Variants in PALB2 observed in about 807,000 individuals in gnomAD.
PALB2 encodes the protein mutant partner and localizer of BRCA2.
In PALB2, 82 loss-of-function variants were observed where a neutral mutation model predicts 107.4. The observed-to-expected ratio is 0.76, with a 90% CI of 0.64 to 0.92. PALB2 has a LOEUF of 0.92. PALB2 is among the 40% of genes least tolerant of loss of function. The pLI, the probability that PALB2 is intolerant of heterozygous loss-of-function variation, is 0.00. For missense variants in PALB2, 1,374 were observed against 1,379.9 expected, an observed-to-expected ratio of 1.00 and a Z score of 0.07; for synonymous variants, 489 against 496.8, an observed-to-expected ratio of 0.98 and a Z score of 0.21.
rs1396029242 is a variant in PALB2, at chr16:23,630,466, T to G, written c.1688A>C (p.Lys563Thr). ...HEKLFIQVKG[K>T]KSRHQKEDSL... ...ATCCTCTTTTTGATGACGACTTTTC[T>G]TCCCTAAAGAAGAAAAATAAGTCAC... The change falls in exon 5 of 13, where the codon AAG becomes ACG. Residue 563 changes from lysine (K) to threonine (T), a missense_variant. Physicochemically the swap from Lys to Thr is moderately conservative, Grantham distance 78. Transcript: ENST00000261584. 1 of 1,608,194 alleles carries G rather than the reference T, an allele frequency of 6.2e-7. No homozygotes were observed. The highest frequency in any genetic ancestry group is 8.5e-7 in the Non-Finnish European group (1 of 1,176,012).
In PALB2 at chr16:23,603,520, G is replaced by C. The variant is rs1308784980; in HGVS notation, c.3500C>G (p.Thr1167Arg). 1 of 1,613,946 alleles carries C rather than the reference G, an allele frequency of 6.2e-7. No individual in the cohort carries two copies. The highest frequency in any genetic ancestry group is 1.3e-5 in the African/African-American group (1 of 74,892). ...TTGTCCAGCCAGCAAATGAGAGTCT[G>C]TACCCGACCATTTCACAAAAGACCA... Reference protein sequence around the residue: ...QHWSFVKWSGTDSHLLAGQKD... With the variant: ...QHWSFVKWSGRDSHLLAGQKD... Residue 1167 changes from threonine to arginine, a missense_variant, in exon 13 of 13, where the codon ACA becomes AGA. Thr to Arg is a moderately conservative substitution (Grantham distance 71). Transcript: ENST00000261584.
At chr16:23,638,683 T>C (rs1048275500) in intron 1 of PALB2, 2 of 365,056 alleles carry the variant, frequency 5.5e-6, no homozygotes, top group Non-Finnish European at 1.1e-5. Flanking sequence ...AGACAGATAA[T>C]AAATAAGAAA....
At chr16:23,640,934 C>G in intron 1 of PALB2, 176 bp downstream of exon 1, 1 of 688,120 alleles carries the variant, frequency 1.5e-6, no homozygotes. Context: ...TAAACGCCAC[C>G]ACGTGAGCAC....
In PALB2 at chr16:23,640,407, G is replaced by C. The variant is rs113632665; in HGVS notation, c.48+703C>G. On this transcript the variant is annotated intron_variant, in intron 1 of 12. Transcript: ENST00000261584. ...TAATCCCAGCTACTCGGGAGGCTGA[G>C]GCAGGAGAGTCGCTTGATCCCAGGA... is the stretch of plus-strand genomic sequence containing the variant. The C allele has an allele frequency of 8.9e-3, 1,808 of 202,426 alleles. 29 individuals carry two copies. The highest frequency in any genetic ancestry group is 0.039 in the African/African-American group (1,687 of 43,688). The allele number at this position is 202,426 out of a possible 1,614,324, so 12.5% of individuals were successfully genotyped here.
At chr16:23,620,016 G>C (rs1966746068) in intron 10 of PALB2, among the ~76,000 whole-genome samples, 1 of 152,194 alleles carries the variant, frequency 6.6e-6, no homozygotes, top group African/African-American at 2.4e-5. Context: ...TTGGCCTCAA[G>C]TGATCTGCCT....
Position 23,603,429 on chromosome 16 carries a change from C to A in PALB2, c.*30G>T, listed in dbSNP as rs1262103709. The A allele has an allele frequency of 3.8e-6, 6 of 1,568,106 alleles. No individual in the cohort carries two copies. The highest frequency in any genetic ancestry group is 5.3e-6 in the Non-Finnish European group (6 of 1,138,620). ...AAAATACTAAGAGGCCCAATATATC[C>A]AGAAAATTGTGTTTTCACTTTACCC... On this transcript the variant is annotated 3_prime_UTR_variant, in exon 13 of 13. Coordinates refer to ENST00000261584, the MANE Select transcript of PALB2 (RefSeq NM_024675.4).
chr16:23,641,100 C>A lies in PALB2; in HGVS notation c.48+10G>T, dbSNP rs1311681895. 1.9e-6 allele frequency: 3 copies of A among 1,612,986 alleles called. No homozygotes were observed. Among genetic ancestry groups the A allele is most frequent in the Non-Finnish European group, 2.5e-6 (3 of 1,179,628 alleles). On this transcript the variant is annotated intron_variant, in intron 1 of 12. Transcript: ENST00000261584. Reference sequence around the variant, plus strand: ...GAGTCCTGCGTCCGCCCTTCCCGCACCCCCGGCACCTTTTCCTTCTCCTCA... The same window carrying A: ...GAGTCCTGCGTCCGCCCTTCCCGCAACCCCGGCACCTTTTCCTTCTCCTCA...
Position 23,630,115 on chromosome 16 carries a change from C to T in PALB2, c.2039G>A (p.Gly680Glu), listed in dbSNP as rs759218890. The T allele has an allele frequency of 2.5e-6, 4 of 1,614,080 alleles. No individual in the cohort carries two copies. The South Asian group carries it at 4.4e-5, about 18-fold the overall frequency. ...GTTTGGCCTTTTGGGATGTGATTTT[C>T]CTGGTAGAACAATAAGGTCCTCTTC... The part of the protein sequence containing the change: ...DLEEDLIVLP[G>E]KSHPKRPNSQ... The change falls in exon 5 of 13, where the codon GGA becomes GAA. Residue 680 changes from glycine (G) to glutamate (E), a missense_variant. Gly to Glu is a moderately conservative substitution (Grantham distance 98). Transcript: ENST00000261584.
In PALB2 at chr16:23,607,927, T is replaced by A. The variant is rs786201142; in HGVS notation, c.3287A>T (p.Asn1096Ile). Residue 1096 changes from asparagine to isoleucine, a missense_variant, in exon 12 of 13, where the codon AAC (asparagine) becomes ATC (isoleucine). Coordinates refer to ENST00000261584, the MANE Select transcript of PALB2 (RefSeq NM_024675.4). ...RSPVFQLIVI[N>I]PKTTLSVGVM... ...ACCCACGCTGAGAGTCGTCTTAGGG[T>A]TAATCACAATGAGCTGAAACACAGG... 6.2e-7 allele frequency: 1 copy of A among 1,613,954 alleles called. No homozygotes were observed. The highest frequency in any genetic ancestry group is 8.5e-7 in the Non-Finnish European group (1 of 1,179,990).
rs1249474947 is a variant in PALB2 at position 23,620,055 on chromosome 16, T to TGC, written c.3113+1306_3113+1307insGC. Among the ~76,000 whole-genome samples, 7 of 152,272 alleles carry TGC rather than the reference T, an allele frequency of 4.6e-5. No homozygotes were observed. The East Asian group carries it at 1.2e-3, about 25-fold the overall frequency. On this transcript the variant is annotated intron_variant, in intron 10 of 12. Transcript: ENST00000261584. ...TTGGCCTCCCAAAGTGCTGGGATTA[T>TGC]AGGCATGAGCCACCCGTGCCCGGCC...
rs777746899 is a variant in PALB2, at chr16:23,626,216, A to G, written c.2748+20T>C. On this transcript the variant is annotated intron_variant, in intron 7 of 12. Coordinates refer to ENST00000261584, the MANE Select transcript of PALB2 (RefSeq NM_024675.4). ...GCAAATGGCTGCAAAGATCTCTTTC[A>G]GCTCGAGATTCCCACTTACCTCTGC... 3.7e-6 allele frequency: 6 copies of G among 1,614,158 alleles called. No individual in the cohort carries two copies. Among genetic ancestry groups the G allele is most frequent in the Non-Finnish European group, 5.1e-6 (6 of 1,180,006 alleles).
rs1283351591 is a variant in PALB2, at chr16:23,636,350, AT to A, written c.212-17del. 6.6e-7 allele frequency: 1 copy of A among 1,524,584 alleles called. No individual in the cohort carries two copies. The highest frequency in any genetic ancestry group is 1.4e-5 in the African/African-American group (1 of 72,210). 94.4% of individuals were successfully genotyped at this position (1,524,584 alleles called of 1,614,324 possible). On this transcript the variant is annotated splice_polypyrimidine_tract_variant and intron_variant, in intron 3 of 12. Transcript: ENST00000261584. Reference sequence around the variant, plus strand: ...TTTTTAGGTTCTGAGGAGGAAAAAAATGTATATAACTTATATTTTTCTTATA... The same window carrying A: ...TTTTTAGGTTCTGAGGAGGAAAAAAAGTATATAACTTATATTTTTCTTATA...
rs786201088 is a variant in PALB2, at chr16:23,634,947, A to G, written c.1599T>C (p.Thr533=). 2.4e-5 allele frequency: 38 copies of G among 1,614,012 alleles called. No homozygotes were observed. The highest frequency in any genetic ancestry group is 3.0e-5 in the Non-Finnish European group (35 of 1,180,046). ...ACCTGTTAACAATCGACAGGCTAGA[A>G]GTTGGCAAAAGTGGTTCACAATGAT... is the stretch of plus-strand genomic sequence containing the variant. ...ASDHCEPLLP[T]SSLSIVNRSK... The change falls in exon 4 of 13, where the codon ACT becomes ACC. Residue 533 remains threonine, a synonymous_variant. Transcript: ENST00000261584.
intron 6 of PALB2, among the ~76,000 whole-genome samples, chr16:23,628,324 G>C (rs1332383509): frequency 6.6e-6 from 1 of 152,152 alleles, no homozygotes; most frequent in Non-Finnish European, 1.5e-5. Context: ...AAGGAATCTG[G>C]GGCTCAGAGG....
At position 23,614,014 on chromosome 16, in the gene PALB2, T is replaced by A. The variant is rs730881893; in HGVS notation, c.3191A>T (p.Tyr1064Phe). ...CCAGTCATTACTTACCATTTCAGAATAGGCTTTGTGACAGACTGAAGCTTG... is the reference window on the plus strand; with the variant it reads ...CCAGTCATTACTTACCATTTCAGAAAAGGCTTTGTGACAGACTGAAGCTTG... ...SYQASVCHKA[Y>F]SEMGLLFIVL... Residue 1064 changes from tyrosine to phenylalanine, a missense_variant, in exon 11 of 13, where the codon TAT (tyrosine) becomes TTT (phenylalanine). Physicochemically the swap from Tyr to Phe is conservative, Grantham distance 22. Transcript: ENST00000261584. The A allele has an allele frequency of 6.2e-7, 1 of 1,612,338 alleles. No homozygotes were observed. Among genetic ancestry groups the A allele is most frequent in the Non-Finnish European group, 8.5e-7 (1 of 1,178,436 alleles).
chr16:23,624,998 T>C (rs899393586), intron 7 of PALB2, among the ~76,000 whole-genome samples: 2 of 152,114 alleles, frequency 1.3e-5, no homozygotes, highest in African/African-American at 2.4e-5. Context: ...AAAGTCAGAA[T>C]AGACATAAAA....
intron 11 of PALB2, among the ~76,000 whole-genome samples, chr16:23,608,799 T>TACACACACAC (rs1309453906): frequency 2.7e-4 from 31 of 115,116 alleles, no homozygotes; most frequent in Non-Finnish European, 5.0e-4. Flanking sequence ...TGTGTATATA[T>TACACACACAC]ATACACACAC....
intron 11 of PALB2, among the ~76,000 whole-genome samples, chr16:23,611,117 T>TATC (rs1966579144): frequency 6.9e-6 from 1 of 144,096 alleles, no homozygotes; most frequent in African/African-American, 2.5e-5. Context: ...TCTATCTATC[T>TATC]ATCTATCAAT....
chr16:23,611,351 G>C (rs1567208601), intron 11 of PALB2, among the ~76,000 whole-genome samples: 2 of 152,028 alleles, frequency 1.3e-5, no homozygotes, highest in Non-Finnish European at 2.9e-5. Flanking sequence ...CATCATGTTG[G>C]TCAGGCTGGG....
Sources: gnomAD v4.1 joint callset for allele counts (sites outside exome capture counted in the v4.1 genomes callset) on GRCh38, gnomAD v4.1.1 for gene constraint, MANE v1.5 for transcripts, NCBI Gene and HGNC (gene_info 2026-07-23, HGNC 2026-07-21) for gene names.